Variants in UNC5C observed in about 807,000 individuals in gnomAD.
UNC5C encodes unc-5 netrin receptor C.
A neutral mutation model predicts 99.8 loss-of-function variants in UNC5C; 47 were observed. The ratio of observed to expected loss-of-function variants is 0.47; its 90% CI spans 0.37 to 0.60. The LOEUF (loss-of-function observed/expected upper bound fraction) is 0.60. UNC5C is among the 20% of genes least tolerant of loss of function. The probability of loss-of-function intolerance (pLI) is 0.00; values close to 1 mark genes in which losing one functional copy is unlikely to be tolerated. For missense variants in UNC5C, 1,062 were observed against 1,165.9 expected (o/e 0.91, Z 1.30); for synonymous variants, 487 against 452.2 (o/e 1.08, Z -0.98).
chr4:95,314,836 C>G (rs925181857), intron 2 of UNC5C, among the ~76,000 whole-genome samples: 1 of 152,146 alleles, frequency 6.6e-6, no homozygotes, highest in Non-Finnish European at 1.5e-5. Context: ...ACACTATGAC[C>G]TAGTATTTCA....
At chr4:95,190,758 T>C (rs1046607705) in intron 12 of UNC5C, among the ~76,000 whole-genome samples, 1 of 152,148 alleles carries the variant, frequency 6.6e-6, no homozygotes, top group African/African-American at 2.4e-5. Context: ...GCCACCTGCC[T>C]CAGAGCCCAG....
chr4:95,247,247 T>C (rs1395359482), intron 5 of UNC5C, among the ~76,000 whole-genome samples: 1 of 152,006 alleles, frequency 6.6e-6, no homozygotes, highest in East Asian at 1.9e-4. Context: ...AAATATGAAA[T>C]ACTGGTTAGA....
chr4:95,285,424 G>T (rs1741198014), intron 3 of UNC5C, among the ~76,000 whole-genome samples: 1 of 152,012 alleles, frequency 6.6e-6, no homozygotes, highest in Non-Finnish European at 1.5e-5. Flanking sequence ...TATTAAAATA[G>T]ATATTGAATC....
intron 14 of UNC5C, among the ~76,000 whole-genome samples, chr4:95,170,880 T>C (rs1482416617): frequency 1.3e-5 from 2 of 152,340 alleles, no homozygotes; most frequent in East Asian, 3.9e-4. Flanking sequence ...CTCCTCTAAA[T>C]GATATCAACT....
rs531906049 is a variant in UNC5C, at chr4:95,536,691, T to A, written c.124+12043A>T. The stretch of plus-strand genomic sequence containing the variant: ...AAAAGGAAAAACATATGGAAAATAG[T>A]CACTTTTAATAGATATTTGAGTCTG... On this transcript the variant is annotated intron_variant, in intron 1 of 15. Transcript: ENST00000453304. Among the ~76,000 whole-genome samples the A allele has an allele frequency of 3.3e-5, 5 of 152,280 alleles. No individual in the cohort carries two copies. The South Asian group carries it at 1.0e-3, about 32-fold the overall frequency.
chr4:95,207,416 A>C (rs1029104192), intron 10 of UNC5C, among the ~76,000 whole-genome samples: 1 of 152,212 alleles, frequency 6.6e-6, no homozygotes, highest in Non-Finnish European at 1.5e-5. Context: ...GAATCTGGGC[A>C]GAAAGAACCT....
intron 1 of UNC5C, among the ~76,000 whole-genome samples, chr4:95,507,301 G>C (rs1336529193): frequency 2.0e-5 from 3 of 151,812 alleles, no homozygotes; most frequent in African/African-American, 7.3e-5. Flanking sequence ...GGCACCATTA[G>C]ATAATTAGGA....
intron 12 of UNC5C, among the ~76,000 whole-genome samples, chr4:95,193,354 C>T (rs1329032726): frequency 6.6e-6 from 1 of 152,188 alleles, no homozygotes; most frequent in Admixed American, 6.5e-5. Flanking sequence ...CTTTCTGGCT[C>T]CTGGAGATAG....
chr4:95,376,926 A>G (rs902750053), intron 1 of UNC5C, among the ~76,000 whole-genome samples: 40 of 152,168 alleles, frequency 2.6e-4, no homozygotes, highest in Non-Finnish European at 5.6e-4. Context: ...CCTTTACAAC[A>G]GTTCTGGTTG....
chr4:95,410,439 T>G (rs1027151574), intron 1 of UNC5C, among the ~76,000 whole-genome samples: 2 of 152,226 alleles, frequency 1.3e-5, no homozygotes, highest in Admixed American at 1.3e-4. Flanking sequence ...TCTTTAGAAT[T>G]CAACAGATGT....
intron 1 of UNC5C, among the ~76,000 whole-genome samples, chr4:95,446,806 C>A (rs1747120104): frequency 1.3e-5 from 2 of 151,094 alleles, no homozygotes; most frequent in African/African-American, 4.8e-5. Context: ...CGTTCATTTT[C>A]TGCGATTATC....
At chr4:95,195,703 C>T (rs1257312807) in intron 12 of UNC5C, among the ~76,000 whole-genome samples, 1 of 152,068 alleles carries the variant, frequency 6.6e-6, no homozygotes, top group Admixed American at 6.5e-5. Context: ...TGACTGTGGC[C>T]CAAGAACGTG....
At chr4:95,257,584 G>A (rs1217533340) in intron 4 of UNC5C, among the ~76,000 whole-genome samples, 2 of 152,194 alleles carry the variant, frequency 1.3e-5, no homozygotes. Context: ...CATTTACGGA[G>A]CAGGGATACA....
chr4:95,188,471 T>TA (rs1242653918), intron 12 of UNC5C, among the ~76,000 whole-genome samples: 2 of 152,158 alleles, frequency 1.3e-5, no homozygotes, highest in African/African-American at 2.4e-5. Context: ...GAATCTCAAA[T>TA]AGAGTTTTGT....
intron 2 of UNC5C, among the ~76,000 whole-genome samples, chr4:95,305,908 T>C (rs561253697): frequency 6.6e-6 from 1 of 152,198 alleles, no homozygotes; most frequent in South Asian, 2.1e-4. Flanking sequence ...GATAATGACA[T>C]GACATTTATT....
rs546514874 is a variant in UNC5C, at chr4:95,308,556, C to A, written c.347-6807G>T. Among the ~76,000 whole-genome samples the A allele has an allele frequency of 9.2e-5, 14 of 151,598 alleles. No homozygotes were observed. In the East Asian group the frequency reaches 2.2e-3, roughly 23 times the overall value. ...TCACCTGAGGTCAGGAGTTTGAAAC[C>A]AGCCTGGCCAAGATGGTGAAACTCT... On this transcript the variant is annotated intron_variant, in intron 2 of 15. Transcript: ENST00000453304.
intron 4 of UNC5C, among the ~76,000 whole-genome samples, chr4:95,261,658 A>G (rs1740234820): frequency 6.6e-6 from 1 of 152,156 alleles, no homozygotes; most frequent in Non-Finnish European, 1.5e-5. Context: ...TATACAAACA[A>G]AAATATTTTT....
intron 1 of UNC5C, among the ~76,000 whole-genome samples, chr4:95,381,372 G>T (rs540885454): frequency 6.6e-6 from 1 of 152,330 alleles, no homozygotes; most frequent in South Asian, 2.1e-4. Flanking sequence ...AAAGGAAAAC[G>T]TGTGTATGTG....
intron 5 of UNC5C, among the ~76,000 whole-genome samples, chr4:95,249,066 C>A (rs1332083838): frequency 1.3e-5 from 2 of 152,010 alleles, no homozygotes; most frequent in Non-Finnish European, 2.9e-5. Flanking sequence ...TAAATGCTTA[C>A]CATTTTGTTA....
Sources: gnomAD v4.1 joint callset for allele counts (sites outside exome capture counted in the v4.1 genomes callset) on GRCh38, gnomAD v4.1.1 for gene constraint, MANE v1.5 for transcripts, NCBI Gene and HGNC (gene_info 2026-07-23, HGNC 2026-07-21) for gene names.